BRINP3: variants seen among roughly 807,000 people sequenced by gnomAD.
BRINP3 encodes the protein BMP/retinoic acid inducible neural specific 3.
A neutral mutation model predicts 71.0 loss-of-function variants in BRINP3; 19 were observed. That is an observed-to-expected ratio of 0.27 (90% CI 0.19 to 0.39). The LOEUF is 0.39. Among genes scored for constraint, BRINP3 ranks in the 10% least tolerant of loss-of-function variants. The probability of loss-of-function intolerance (pLI) is 1.00; values close to 1 mark genes in which losing one functional copy is unlikely to be tolerated. For synonymous variants in BRINP3, 380 were observed against 337.7 expected (o/e 1.13, Z -1.37); for missense variants, 959 against 940.8 (o/e 1.02, Z -0.25).
intron 4 of BRINP3, among the ~76,000 whole-genome samples, chr1:190,263,587 C>CTT (rs34792964): frequency 0.016 from 2,079 of 129,428 alleles, 34 homozygotes; most frequent in African/African-American, 0.028. Flanking sequence ...GAAGTAGTAA[C>CTT]TTTTTTTTTT....
intron 7 of BRINP3, among the ~76,000 whole-genome samples, chr1:190,103,803 TAAG>T (rs1651905868): frequency 6.6e-6 from 1 of 151,924 alleles, no homozygotes; most frequent in African/African-American, 2.4e-5. Flanking sequence ...ATTTTACACA[TAAG>T]AAGAATAAGC....
chr1:190,227,641 G>T (rs1161937836), intron 5 of BRINP3, among the ~76,000 whole-genome samples: 1 of 151,806 alleles, frequency 6.6e-6, no homozygotes, highest in African/African-American at 2.4e-5. Context: ...TTATTAAAAA[G>T]TTAGGCATTG....
intron 2 of BRINP3, among the ~76,000 whole-genome samples, chr1:190,357,340 A>C (rs1277201326): frequency 1.3e-5 from 2 of 152,010 alleles, no homozygotes; most frequent in Admixed American, 6.6e-5. Context: ...AATTTTAAAA[A>C]CAATTTCCAG....
At chr1:190,294,550 C>T (rs948923258) in intron 2 of BRINP3, among the ~76,000 whole-genome samples, 2 of 152,104 alleles carry the variant, frequency 1.3e-5, no homozygotes, top group African/African-American at 2.4e-5. Context: ...CTTCACCTGG[C>T]CCTCAAAACA....
chr1:190,251,812 A>G (rs1037548672), intron 4 of BRINP3, among the ~76,000 whole-genome samples: 2 of 151,080 alleles, frequency 1.3e-5, no homozygotes, highest in African/African-American at 4.9e-5. Context: ...AACCAAAAAA[A>G]AAAACATAAA....
chr1:190,226,256 T>C lies in BRINP3; in HGVS notation c.787A>G (p.Ile263Val), dbSNP rs750832980. Residue 263 changes from isoleucine (I) to valine (V), a missense_variant, in exon 6 of 8, where the codon ATT becomes GTT. Transcript: ENST00000367462. ...ERFVQAALSY[I>V]ACNSEGEFIC... is the part of the protein sequence containing the mutation. ...AACTCTCCCTCTGAATTGCAAGCAATGTAGCTCAAAGCTGCTTGTACAAAA... is the reference window on the plus strand; with the variant it reads ...AACTCTCCCTCTGAATTGCAAGCAACGTAGCTCAAAGCTGCTTGTACAAAA... 2.5e-6 allele frequency: 4 copies of C among 1,612,366 alleles called. No individual in the cohort carries two copies. Among genetic ancestry groups the C allele is most frequent in the Non-Finnish European group, 2.5e-6 (3 of 1,179,006 alleles).
intron 4 of BRINP3, among the ~76,000 whole-genome samples, chr1:190,247,262 C>T (rs573981551): frequency 4.5e-4 from 68 of 151,894 alleles, no homozygotes; most frequent in African/African-American, 1.6e-3. Flanking sequence ...GTATTCTCCC[C>T]AGATATAAAC....
chr1:190,411,419 A>C (rs1000686014), intron 2 of BRINP3, among the ~76,000 whole-genome samples: 1 of 152,214 alleles, frequency 6.6e-6, no homozygotes, highest in African/African-American at 2.4e-5. Flanking sequence ...AAAGCAATAC[A>C]CTAGAGTCTA....
intron 7 of BRINP3, among the ~76,000 whole-genome samples, chr1:190,124,717 G>A (rs2102330431): frequency 6.6e-6 from 1 of 152,160 alleles, no homozygotes; most frequent in South Asian, 2.1e-4. Context: ...TCATATCAAA[G>A]CTTATCAGAA....
intron 7 of BRINP3, among the ~76,000 whole-genome samples, chr1:190,156,479 T>C (rs1656871447): frequency 6.6e-6 from 1 of 151,986 alleles, no homozygotes; most frequent in Non-Finnish European, 1.5e-5. Flanking sequence ...CAGTTTACAT[T>C]CTACCATATT....
intron 7 of BRINP3, among the ~76,000 whole-genome samples, chr1:190,130,071 G>A (rs1019334058): frequency 2.6e-5 from 4 of 151,936 alleles, no homozygotes; most frequent in African/African-American, 9.7e-5. Context: ...ATCGTGTCCA[G>A]ATATCAATTT....
intron 2 of BRINP3, among the ~76,000 whole-genome samples, chr1:190,421,539 A>G (rs1237060898): frequency 3.3e-5 from 5 of 151,780 alleles, no homozygotes; most frequent in South Asian, 2.1e-4. Context: ...ATGTTTTATG[A>G]AAGTAATTGA....
intron 2 of BRINP3, among the ~76,000 whole-genome samples, chr1:190,344,768 G>C (rs1410723702): frequency 4.0e-5 from 6 of 151,840 alleles, no homozygotes; most frequent in African/African-American, 1.4e-4. Flanking sequence ...AATAATGATA[G>C]TGGTAGACAC....
chr1:190,170,650 A>T (rs921922074), intron 6 of BRINP3, among the ~76,000 whole-genome samples: 1 of 152,190 alleles, frequency 6.6e-6, no homozygotes, highest in African/African-American at 2.4e-5. Flanking sequence ...TGAAAGCAAA[A>T]CTGCAAGATA....
rs531609844 is a variant in BRINP3, at chr1:190,421,068, C to T, written c.236+33587G>A. Reference sequence around the variant, plus strand: ...TATCACCTTGGTACTAACTATTCTACTCACAACGGCACAAATATTTAACCC... The same window carrying T: ...TATCACCTTGGTACTAACTATTCTATTCACAACGGCACAAATATTTAACCC... On this transcript the variant is annotated intron_variant, in intron 2 of 7. Coordinates refer to ENST00000367462, the MANE Select transcript of BRINP3 (RefSeq NM_199051.3). Among the ~76,000 whole-genome samples the T allele has an allele frequency of 3.6e-4, 55 of 151,642 alleles. 1 individual carries two copies. The highest frequency in any genetic ancestry group is 1.2e-3 in the South Asian group (6 of 4,826).
intron 2 of BRINP3, among the ~76,000 whole-genome samples, chr1:190,437,302 A>C (rs1436589874): frequency 6.6e-6 from 1 of 151,814 alleles, no homozygotes; most frequent in Non-Finnish European, 1.5e-5. Context: ...GTTGTGAGAC[A>C]CAAACAGCCT....
At chr1:190,382,482 T>A (rs991244266) in intron 2 of BRINP3, among the ~76,000 whole-genome samples, 1 of 152,158 alleles carries the variant, frequency 6.6e-6, no homozygotes, top group Non-Finnish European at 1.5e-5. Flanking sequence ...ATCCGAAGTA[T>A]AAATTTTTGC....
At chr1:190,208,509 T>G (rs1655711191) in intron 6 of BRINP3, among the ~76,000 whole-genome samples, 1 of 152,072 alleles carries the variant, frequency 6.6e-6, no homozygotes, top group African/African-American at 2.4e-5. Context: ...TATTTATTTT[T>G]TGAGACAGTC....
chr1:190,434,051 C>T (rs1297569869), intron 2 of BRINP3, among the ~76,000 whole-genome samples: 1 of 152,010 alleles, frequency 6.6e-6, no homozygotes, highest in Non-Finnish European at 1.5e-5. Context: ...GTAAAATAAC[C>T]ATGTCTTTTT....
Sources: allele counts gnomAD v4.1 joint callset (sites outside exome capture counted in the v4.1 genomes callset), GRCh38; gene constraint gnomAD v4.1.1; transcripts MANE v1.5; gene names NCBI Gene and HGNC (gene_info 2026-07-23, HGNC 2026-07-21).